SACM1L: variants seen among roughly 807,000 people sequenced by gnomAD.
SACM1L encodes phosphatidylinositol-3-phosphatase SAC1.
Under a neutral mutation model 89.5 loss-of-function variants are expected in SACM1L, and 32 were observed. That is an observed-to-expected ratio of 0.36 (90% confidence interval 0.27 to 0.48). SACM1L has a LOEUF of 0.48. SACM1L is among the 20% of genes least tolerant of loss of function. The pLI is 0.99. For missense variants in SACM1L, 543 were observed against 708.5 expected (o/e 0.77, Z 2.65); for synonymous variants, 213 against 232.8 (o/e 0.92, Z 0.77).
rs1698323210 is a variant in SACM1L, at chr3:45,703,581, C to T, written c.130+46C>T. ...GAAGTTTAGGGAGAAAGATTTTATA[C>T]ATAAATTACAGTAATTAAAAAACAT... On this transcript the variant is annotated intron_variant, in intron 2 of 19. Coordinates refer to ENST00000389061, the MANE Select transcript of SACM1L (RefSeq NM_014016.5). 2.4e-6 allele frequency: 3 copies of T among 1,237,620 alleles called. No homozygotes were observed. The South Asian group carries it at 3.7e-5, about 15-fold the overall frequency. The allele number at this position is 1,237,620 out of a possible 1,614,324, so 76.7% of individuals were successfully genotyped here.
chr3:45,710,172 A>T (rs1030384351), intron 5 of SACM1L, among the ~76,000 whole-genome samples: 6 of 152,032 alleles, frequency 3.9e-5, no homozygotes, highest in African/African-American at 1.4e-4. Flanking sequence ...GAACTTGGAA[A>T]ATATCCTTTT....
At chr3:45,723,792 T>C (rs1698843687) in intron 11 of SACM1L, among the ~76,000 whole-genome samples, 1 of 152,146 alleles carries the variant, frequency 6.6e-6, no homozygotes, top group Non-Finnish European at 1.5e-5. Context: ...TTTCTGTCTC[T>C]CTGAATTTGT....
At chr3:45,724,696 A>AT (rs1355969400) in intron 11 of SACM1L, among the ~76,000 whole-genome samples, 2 of 152,102 alleles carry the variant, frequency 1.3e-5, no homozygotes, top group Non-Finnish European at 2.9e-5. Flanking sequence ...AATTCAAGAA[A>AT]TTGTCACCAA....
At chr3:45,734,780 C>T (rs1057459232) in intron 13 of SACM1L, 1 of 152,906 alleles carries the variant, frequency 6.5e-6, no homozygotes, top group Non-Finnish European at 1.5e-5. Flanking sequence ...CAATCCTTGC[C>T]TCAGAGATTC....
chr3:45,720,187 A>T (rs1698756205), intron 8 of SACM1L, among the ~76,000 whole-genome samples: 2 of 152,164 alleles, frequency 1.3e-5, no homozygotes, highest in Admixed American at 6.5e-5. Flanking sequence ...TGGGGCCAGA[A>T]AGTTGTAGAA....
At chr3:45,721,937 G>T in intron 8 of SACM1L, 63 bp from the exon 9 acceptor site, 2 of 1,062,926 alleles carry the variant, frequency 1.9e-6, no homozygotes, top group East Asian at 2.4e-5. Flanking sequence ...CTGAATTAGT[G>T]GGTTTCTGAT....
chr3:45,731,476 C>A, intron 12 of SACM1L, 96 bp downstream of exon 12: 1 of 696,234 alleles, frequency 1.4e-6, no homozygotes, highest in Non-Finnish European at 2.3e-6. Flanking sequence ...TATGTTTCAG[C>A]TTGCATTTTT....
chr3:45,698,502 G>A (rs1463564047), intron 1 of SACM1L, among the ~76,000 whole-genome samples: 4 of 152,190 alleles, frequency 2.6e-5, no homozygotes, highest in East Asian at 1.9e-4. Flanking sequence ...ACTTTTGAGC[G>A]AGACATCTCT....
chr3:45,704,707 A>C (rs1187380786), intron 2 of SACM1L, among the ~76,000 whole-genome samples: 3 of 152,188 alleles, frequency 2.0e-5, no homozygotes, highest in Non-Finnish European at 4.4e-5. Flanking sequence ...AATAGACTGA[A>C]AAGCTAAAGG....
intron 1 of SACM1L, 176 bp downstream of exon 1, chr3:45,689,673 G>C: frequency 1.4e-6 from 1 of 728,236 alleles, no homozygotes; most frequent in Admixed American, 2.7e-5. Context: ...GTAGCCATAG[G>C]CCGGGAACCA....
intron 6 of SACM1L, chr3:45,713,669 A>G (rs958189903): frequency 1.5e-4 from 25 of 165,780 alleles, no homozygotes; most frequent in Middle Eastern, 2.9e-3. Context: ...GAATCTAGGT[A>G]AATAGATGTG....
In SACM1L at chr3:45,738,865, T is replaced by C; in HGVS notation, c.1561T>C (p.Phe521Leu). The C allele has an allele frequency of 6.3e-7, 1 of 1,597,682 alleles. No individual in the cohort carries two copies. Among genetic ancestry groups the C allele is most frequent in the Middle Eastern group, 1.7e-4 (1 of 5,868 alleles). The change falls in exon 18 of 20, where the codon TTC becomes CTC. Residue 521 changes from phenylalanine to leucine, a missense_variant. Physicochemically the swap from Phe to Leu is conservative, Grantham distance 22. Transcript: ENST00000389061. ...SPLSVPRDWK[F>L]LALPIIMVVA... ...TTTAAGTGTTCCAAGGGACTGGAAA[T>C]TCCTGGCTGTAAGAAACCATTTTGT... is the stretch of plus-strand genomic sequence containing the variant.
chr3:45,731,234 C>T lies in SACM1L; in HGVS notation c.922-67C>T, dbSNP rs1186394211. On this transcript the variant is annotated intron_variant, in intron 11 of 19. Coordinates refer to ENST00000389061, the MANE Select transcript of SACM1L (RefSeq NM_014016.5). Reference sequence around the variant, plus strand: ...GAGAGCTTAGAGCTTCCTAGTTTGTCCTTTTTCTGATACCATTCTCTCCTT... The same window carrying T: ...GAGAGCTTAGAGCTTCCTAGTTTGTTCTTTTTCTGATACCATTCTCTCCTT... 4 of 1,041,686 alleles carry T rather than the reference C, an allele frequency of 3.8e-6. No homozygotes were observed. The East Asian group carries it at 7.7e-5, about 20-fold the overall frequency. The allele number at this position is 1,041,686 out of a possible 1,614,324, so 64.5% of individuals were successfully genotyped here.
chr3:45,725,051 C>G (rs573193898), intron 11 of SACM1L, among the ~76,000 whole-genome samples: 7 of 152,254 alleles, frequency 4.6e-5, no homozygotes, highest in Admixed American at 4.6e-4. Flanking sequence ...CCGTGTCTGT[C>G]CTTATGACAG....
chr3:45,743,222 A>G (rs1699354288), intron 19 of SACM1L, among the ~76,000 whole-genome samples: 1 of 152,230 alleles, frequency 6.6e-6, no homozygotes, highest in Non-Finnish European at 1.5e-5. Flanking sequence ...ATAATATGAA[A>G]TCATTTAGTC....
intron 3 of SACM1L, 38 bp from the exon 4 acceptor site, chr3:45,706,742 A>G (rs1698405716): frequency 1.3e-6 from 2 of 1,531,110 alleles, no homozygotes; most frequent in Admixed American, 1.9e-5. Flanking sequence ...TAGAGTTACT[A>G]TTTTTATAAT....
chr3:45,731,221 C>G (rs1414944804), intron 11 of SACM1L, 80 bp from the exon 12 acceptor site: 3 of 854,400 alleles, frequency 3.5e-6, no homozygotes, highest in Admixed American at 2.5e-5. Context: ...GAGCTTAGAG[C>G]TTCCTAGTTT....
intron 1 of SACM1L, among the ~76,000 whole-genome samples, chr3:45,694,231 CCTT>C (rs1343367363): frequency 2.6e-5 from 4 of 151,822 alleles, no homozygotes; most frequent in Non-Finnish European, 5.9e-5. Flanking sequence ...GGCAGGGAAT[CCTT>C]TAGTTACTGC....
chr3:45,737,871 C>A (rs767176892), intron 16 of SACM1L, 27 bp downstream of exon 16: 24 of 1,578,500 alleles, frequency 1.5e-5, no homozygotes, highest in Non-Finnish European at 2.0e-5. Context: ...AAATAGCATT[C>A]CACATCAGTA....
Sources: gnomAD v4.1 joint callset for allele counts (sites outside exome capture counted in the v4.1 genomes callset) on GRCh38, gnomAD v4.1.1 for gene constraint, MANE v1.5 for transcripts, NCBI Gene and HGNC (gene_info 2026-07-23, HGNC 2026-07-21) for gene names.